The following KRT18 variants were observed in gnomAD, a reference collection of about 807,000 sequenced individuals.
KRT18 encodes keratin, type I cytoskeletal 18.
In KRT18, 8 loss-of-function variants were observed where a neutral mutation model predicts 39.9. That is an observed-to-expected ratio of 0.20 (90% CI 0.12 to 0.36). The LOEUF is 0.36. Among genes scored for constraint, KRT18 ranks in the 10% least tolerant of loss-of-function variants. The pLI is 1.00. For synonymous variants in KRT18, 194 were observed against 227.8 expected, an observed-to-expected ratio of 0.85 and a Z score of 1.33; for missense variants, 396 against 565.7, an observed-to-expected ratio of 0.70 and a Z score of 3.04.
At position 52,951,742 on chromosome 12, in the gene KRT18, C is replaced by G. The variant is rs1942493145; in HGVS notation, c.834C>G (p.Ser278Arg). ...TCCCCATCCTGCAGATTGAGGAGAG[C>G]ACCACAGTGGTCACCACACAGTCTG... ...DKYWSQQIEE[S>R]TTVVTTQSAE... The change falls in exon 5 of 7, where the codon AGC becomes AGG. Residue 278 changes from serine to arginine, a missense_variant. Transcript: ENST00000388835. The G allele has an allele frequency of 6.2e-7, 1 of 1,613,372 alleles. No individual in the cohort carries two copies. The highest frequency in any genetic ancestry group is 8.5e-7 in the Non-Finnish European group (1 of 1,180,016).
rs1463124673 is a variant in KRT18, at chr12:52,952,815, C to G, written c.1266C>G (p.Thr422=). ...RIVDGKVVSE[T]NDTKVLRH is the part of the protein sequence containing the mutation. The stretch of plus-strand genomic sequence containing the variant: ...TGGATGGCAAAGTGGTGTCTGAGAC[C>G]AATGACACCAAAGTTCTGAGGCATT... The change falls in exon 7 of 7, where the codon ACC becomes ACG. Residue 422 remains threonine (T), a synonymous_variant. Coordinates refer to ENST00000388835, the MANE Select transcript of KRT18 (RefSeq NM_000224.3). The G allele has an allele frequency of 6.2e-7, 1 of 1,610,792 alleles. No individual in the cohort carries two copies. The highest frequency in any genetic ancestry group is 1.7e-5 in the Admixed American group (1 of 60,018).
intron 1 of KRT18, 48 bp downstream of exon 1, chr12:52,949,638 A>C: frequency 6.7e-7 from 1 of 1,489,734 alleles, no homozygotes; most frequent in South Asian, 1.1e-5. Context: ...TGACCCTCCA[A>C]TTATACACTC....
Position 52,950,233 on chromosome 12 carries a change from A to T in KRT18, c.418-95A>T, listed in dbSNP as rs1592193824. On this transcript the variant is annotated intron_variant, in intron 1 of 6. Coordinates refer to ENST00000388835, the MANE Select transcript of KRT18 (RefSeq NM_000224.3). Reference sequence around the variant, plus strand: ...CCTCTGGCTATTCCTGGGACCAGGAAGTTTTCACTAGGATACATAACACTT... The same window carrying T: ...CCTCTGGCTATTCCTGGGACCAGGATGTTTTCACTAGGATACATAACACTT... The T allele has an allele frequency of 9.1e-6, 8 of 879,338 alleles. No homozygotes were observed. In the East Asian group the frequency reaches 1.9e-4, roughly 21 times the overall value. 54.5% of individuals were successfully genotyped at this position (879,338 alleles called of 1,614,324 possible).
intron 1 of KRT18, 67 bp downstream of exon 1, chr12:52,949,657 CTT>C (rs1206071174): frequency 2.1e-6 from 3 of 1,414,714 alleles, no homozygotes; most frequent in Non-Finnish European, 3.0e-6. Flanking sequence ...TCCTTTGCCT[CTT>C]TCCGTCATTC....
Position 52,949,371 on chromosome 12 carries a change from G to A in KRT18, c.198G>A (p.Gly66=). Residue 66 remains glycine (G), a synonymous_variant, in exon 1 of 7, where the codon GGG becomes GGA. Coordinates refer to ENST00000388835, the MANE Select transcript of KRT18 (RefSeq NM_000224.3). ...TGGGGTCCGGGGGCCTGGCCACCGG[G>A]ATAGCCGGGGGTCTGGCAGGAATGG... ...GGMGSGGLAT[G]IAGGLAGMGG... 6.2e-7 allele frequency: 1 copy of A among 1,610,598 alleles called. No individual in the cohort carries two copies. The highest frequency in any genetic ancestry group is 8.5e-7 in the Non-Finnish European group (1 of 1,179,822).
At chr12:52,949,960 G>A (rs1034247158) in intron 1 of KRT18, 5 of 615,498 alleles carry the variant, frequency 8.1e-6, no homozygotes, top group Non-Finnish European at 1.2e-5. Context: ...TAAACAAGAG[G>A]CCTTCCTTTG....
chr12:52,951,470 G>A lies in KRT18; in HGVS notation c.658-11G>A, dbSNP rs1435289712. 1 of 1,613,880 alleles carries A rather than the reference G, an allele frequency of 6.2e-7. No homozygotes were observed. The highest frequency in any genetic ancestry group is 1.7e-5 in the Admixed American group (1 of 60,006). On this transcript the variant is annotated splice_polypyrimidine_tract_variant and intron_variant, in intron 3 of 6. Coordinates refer to ENST00000388835, the MANE Select transcript of KRT18 (RefSeq NM_000224.3). ...CTGAACCCTCCTCACTTTTGCCCCT[G>A]TCACCTTTAGGAAGTAAAAGGCCTA...
upstream of KRT18, chr12:52,948,888 C>A: frequency 2.3e-6 from 1 of 426,260 alleles, no homozygotes; most frequent in East Asian, 3.6e-5. Flanking sequence ...CGAGGGCCAA[C>A]AACACCTGCT....
At position 52,949,193 on chromosome 12, in the gene KRT18, C is replaced by T. The variant is rs775547844; in HGVS notation, c.20C>T (p.Ser7Phe). The T allele has an allele frequency of 6.2e-7, 1 of 1,611,736 alleles. No homozygotes were observed. Among genetic ancestry groups the T allele is most frequent in the Non-Finnish European group, 8.5e-7 (1 of 1,179,836 alleles). The part of the protein sequence containing the change: MSFTTR[S>F]TFSTNYRSLG... Reference sequence around the variant, plus strand: ...GACAGCATGAGCTTCACCACTCGCTCCACCTTCTCCACCAACTACCGGTCC... The same window carrying T: ...GACAGCATGAGCTTCACCACTCGCTTCACCTTCTCCACCAACTACCGGTCC... Residue 7 changes from serine (S) to phenylalanine (F), a missense_variant, in exon 1 of 7, where the codon TCC (serine) becomes TTC (phenylalanine). Coordinates refer to ENST00000388835, the MANE Select transcript of KRT18 (RefSeq NM_000224.3).
In KRT18 at chr12:52,949,222, G is replaced by A; in HGVS notation, c.49G>A (p.Gly17Ser). 2 of 1,611,706 alleles carry A rather than the reference G, an allele frequency of 1.2e-6. No homozygotes were observed. The highest frequency in any genetic ancestry group is 2.2e-5 in the South Asian group (2 of 90,998). The part of the protein sequence containing the change: ...STFSTNYRSL[G>S]SVQAPSYGAR... ...CTTCTCCACCAACTACCGGTCCCTG[G>A]GCTCTGTCCAGGCGCCCAGCTACGG... Residue 17 changes from glycine to serine, a missense_variant, in exon 1 of 7, where the codon GGC becomes AGC. Gly to Ser is a moderately conservative substitution (Grantham distance 56). Coordinates refer to ENST00000388835, the MANE Select transcript of KRT18 (RefSeq NM_000224.3).
Position 52,952,817 on chromosome 12 carries a change from A to T in KRT18, c.1268A>T (p.Asn423Ile). The change falls in exon 7 of 7, where the codon AAT becomes ATT. Residue 423 changes from asparagine to isoleucine, a missense_variant. Physicochemically the swap from Asn to Ile is moderately radical, Grantham distance 149 (BLOSUM62 -3). Coordinates refer to ENST00000388835, the MANE Select transcript of KRT18 (RefSeq NM_000224.3). The part of the protein sequence containing the change: ...IVDGKVVSET[N>I]DTKVLRH ...GATGGCAAAGTGGTGTCTGAGACCA[A>T]TGACACCAAAGTTCTGAGGCATTAA... is the stretch of plus-strand genomic sequence containing the variant. 6.2e-7 allele frequency: 1 copy of T among 1,610,534 alleles called. No homozygotes were observed. The highest frequency in any genetic ancestry group is 8.5e-7 in the Non-Finnish European group (1 of 1,179,528).
At chr12:52,949,754 G>A in intron 1 of KRT18, 164 bp downstream of exon 1, 1 of 732,610 alleles carries the variant, frequency 1.4e-6, no homozygotes, top group Non-Finnish European at 2.5e-6. Flanking sequence ...GGGTCCCTAA[G>A]AGCAGCAGCT....
In KRT18 at chr12:52,949,313, C is replaced by T. The variant is rs1452035555; in HGVS notation, c.140C>T (p.Ser47Phe). Residue 47 changes from serine to phenylalanine, a missense_variant, in exon 1 of 7, where the codon TCC (serine) becomes TTC (phenylalanine). By Grantham distance (155) the Ser-to-Phe change is radical (BLOSUM62 -2). Transcript: ENST00000388835. ...AGAGGSGSRI[S>F]VSRSTSFRGG... ...GCTGGGGGCTCTGGTTCCCGGATCT[C>T]CGTGTCCCGCTCCACCAGCTTCAGG... The T allele has an allele frequency of 6.2e-7, 1 of 1,610,328 alleles. No homozygotes were observed. The highest frequency in any genetic ancestry group is 8.5e-7 in the Non-Finnish European group (1 of 1,179,758).
intron 5 of KRT18, 76 bp downstream of exon 5, chr12:52,951,932 T>C: frequency 6.4e-7 from 1 of 1,551,274 alleles, no homozygotes; most frequent in Non-Finnish European, 8.8e-7. Flanking sequence ...ACCCAAATCC[T>C]ATCCCTCATA....
intron 1 of KRT18, 115 bp downstream of exon 1, chr12:52,949,705 T>C: frequency 1.0e-6 from 1 of 982,164 alleles, no homozygotes; most frequent in Non-Finnish European, 1.6e-6. Context: ...CGGGAGGGGG[T>C]TGGGCATACC....
Position 52,951,823 on chromosome 12 carries a change from C to G in KRT18, c.915C>G (p.Ser305=). ...CAGAGCTGAGACGTACAGTCCAGTCCTTGGAGATCGACCTGGACTCCATGA... is the reference window on the plus strand; with the variant it reads ...CAGAGCTGAGACGTACAGTCCAGTCGTTGGAGATCGACCTGGACTCCATGA... ...TLTELRRTVQ[S]LEIDLDSMRN... Residue 305 remains serine (S), a synonymous_variant, in exon 5 of 7, where the codon TCC becomes TCG. Coordinates refer to ENST00000388835, the MANE Select transcript of KRT18 (RefSeq NM_000224.3). 1 of 1,608,956 alleles carries G rather than the reference C, an allele frequency of 6.2e-7. No homozygotes were observed. The highest frequency in any genetic ancestry group is 8.5e-7 in the Non-Finnish European group (1 of 1,179,988).
chr12:52,950,922 T>C lies in KRT18; in HGVS notation c.657+16T>C. 2.6e-6 allele frequency: 4 copies of C among 1,559,970 alleles called. No homozygotes were observed. Among genetic ancestry groups the C allele is most frequent in the Non-Finnish European group, 3.5e-6 (4 of 1,155,836 alleles). On this transcript the variant is annotated intron_variant, in intron 3 of 6. Transcript: ENST00000388835. ...CCACGAAGAGGCAAGCAGGGGCCAC[T>C]GGCCAGGCCAGGGATTGAGGGGCCA...
chr12:52,949,328 C>T lies in KRT18; in HGVS notation c.155C>T (p.Thr52Ile), dbSNP rs1333552689. 2 of 1,610,682 alleles carry T rather than the reference C, an allele frequency of 1.2e-6. No homozygotes were observed. The highest frequency in any genetic ancestry group is 1.1e-5 in the South Asian group (1 of 90,990). The stretch of plus-strand genomic sequence containing the variant: ...TCCCGGATCTCCGTGTCCCGCTCCA[C>T]CAGCTTCAGGGGCGGCATGGGGTCC... ...SGSRISVSRSTSFRGGMGSGG... is the reference protein window; with the variant it reads ...SGSRISVSRSISFRGGMGSGG... The change falls in exon 1 of 7, where the codon ACC becomes ATC. Residue 52 changes from threonine (T) to isoleucine (I), a missense_variant. Transcript: ENST00000388835.
Position 52,952,714 on chromosome 12 carries a change from T to G in KRT18, c.1173-8T>G. 1 of 1,612,490 alleles carries G rather than the reference T, an allele frequency of 6.2e-7. No homozygotes were observed. Among genetic ancestry groups the G allele is most frequent in the Non-Finnish European group, 8.5e-7 (1 of 1,180,006 alleles). ...TGTTTATAACTTGGGCTTGGTCTTC[T>G]GTTACAGTCTTGGTGATGCCTTGGA... On this transcript the variant is annotated splice_region_variant and splice_polypyrimidine_tract_variant and intron_variant, in intron 6 of 6. Coordinates refer to ENST00000388835, the MANE Select transcript of KRT18 (RefSeq NM_000224.3).
Sources: allele counts gnomAD v4.1 joint callset, GRCh38; gene constraint gnomAD v4.1.1; transcripts MANE v1.5; gene names NCBI Gene and HGNC (gene_info 2026-07-23, HGNC 2026-07-21).